The following ESPNL variants were observed in gnomAD, a reference collection of about 807,000 sequenced individuals.
ESPNL encodes espin like.
Under a neutral mutation model 46.8 loss-of-function variants are expected in ESPNL, and 49 were observed. The observed-to-expected ratio is 1.05, with a 90% confidence interval of 0.83 to 1.33. The LOEUF is 1.33. ESPNL is among the 40% of genes most tolerant of loss of function. The pLI is 0.00. For missense variants in ESPNL, 1,540 were observed against 1,436.6 expected (o/e 1.07, Z -1.16); for synonymous variants, 664 against 662.1 (o/e 1.00, Z -0.04).
chr2:238,126,827 CTGTG>C (rs907582105), intron 6 of ESPNL, among the ~76,000 whole-genome samples: 26 of 146,336 alleles, frequency 1.8e-4, no homozygotes, highest in South Asian at 8.8e-4. Flanking sequence ...GTGTGTTTCT[CTGTG>C]TGTGACTGTA....
Position 238,130,745 on chromosome 2 carries a change from G to T in ESPNL, c.2031G>T (p.Gly677=). 2 of 1,564,246 alleles carry T rather than the reference G, an allele frequency of 1.3e-6. No individual in the cohort carries two copies. The highest frequency in any genetic ancestry group is 1.3e-5 in the African/African-American group (1 of 74,206). The change falls in exon 9 of 9, where the codon GGG becomes GGT. Residue 677 remains glycine (G), a synonymous_variant. Transcript: ENST00000343063. ...TCAACCCTGGCCCCTGCGAGCCGGG[G>T]GCCCAGCACAGGCAGTGCCTGAGTG... is the stretch of plus-strand genomic sequence containing the variant. The part of the protein sequence containing the change: ...CGFNPGPCEP[G]AQHRQCLSGC...
At chr2:238,122,034 G>T (rs1431172716) in intron 5 of ESPNL, among the ~76,000 whole-genome samples, 1 of 152,254 alleles carries the variant, frequency 6.6e-6, no homozygotes, top group Non-Finnish European at 1.5e-5. Flanking sequence ...CATGTATAAT[G>T]CATGCAGCCT....
intron 5 of ESPNL, among the ~76,000 whole-genome samples, chr2:238,124,552 C>T (rs961871300): frequency 7.9e-5 from 12 of 151,664 alleles, no homozygotes; most frequent in African/African-American, 2.4e-4. Context: ...GGAGAGTGTA[C>T]GTGCGTGTGT....
intron 1 of ESPNL, 67 bp from the exon 2 acceptor site, chr2:238,101,874 A>C (rs1480647608): frequency 7.9e-7 from 1 of 1,259,480 alleles, no homozygotes; most frequent in Non-Finnish European, 1.1e-6. Flanking sequence ...CCCAGGGCCC[A>C]CCTCCGGCAG....
chr2:238,125,099 C>G (rs1304031378), intron 5 of ESPNL, among the ~76,000 whole-genome samples, 171 bp from the exon 6 acceptor site: 1 of 152,184 alleles, frequency 6.6e-6, no homozygotes, highest in African/African-American at 2.4e-5. Context: ...GACCCTGGGA[C>G]AGAACCCTGA....
Position 238,131,949 on chromosome 2 carries a change from T to G in ESPNL, c.*217T>G. The G allele has an allele frequency of 1.8e-6, 1 of 560,702 alleles. No individual in the cohort carries two copies. The highest frequency in any genetic ancestry group is 3.1e-6 in the Non-Finnish European group (1 of 326,272). 34.7% of individuals were successfully genotyped at this position (560,702 alleles called of 1,614,324 possible). On this transcript the variant is annotated 3_prime_UTR_variant, in exon 9 of 9. Transcript: ENST00000343063. ...TCACCACTGCACCCAGGAAGCCCCT[T>G]GGCAGGTCCTGAAGTGAGGCAATGG...
intron 6 of ESPNL, chr2:238,127,357 C>T (rs1444345875): frequency 5.5e-6 from 7 of 1,272,602 alleles, no homozygotes; most frequent in Non-Finnish European, 6.9e-6. Flanking sequence ...CCCAGCTCCT[C>T]CCCTGCTGCA....
In ESPNL at chr2:238,100,537, G is replaced by A; in HGVS notation, c.118G>A (p.Val40Ile). 6.3e-7 allele frequency: 1 copy of A among 1,594,488 alleles called. No individual in the cohort carries two copies. The highest frequency in any genetic ancestry group is 8.5e-7 in the Non-Finnish European group (1 of 1,173,026). ...CACCGATGCTCTGGGGGCCGGCCTG[G>A]TTCACCACGCCACCCGGGCTGGCCA... ...GITDALGAGL[V>I]HHATRAGHLD... The change falls in exon 1 of 9, where the codon GTT (valine) becomes ATT (isoleucine). Residue 40 changes from valine (V) to isoleucine (I), a missense_variant. Coordinates refer to ENST00000343063, the MANE Select transcript of ESPNL (RefSeq NM_194312.4).
intron 5 of ESPNL, among the ~76,000 whole-genome samples, chr2:238,122,452 G>C (rs1024278516): frequency 6.6e-5 from 10 of 152,182 alleles, no homozygotes; most frequent in Non-Finnish European, 1.2e-4. Context: ...AGAAATGGAG[G>C]CTCAGGGGGT....
rs772519836 is a variant in ESPNL at position 238,107,870 on chromosome 2, A to G, written c.752A>G (p.His251Arg). 5 of 1,611,876 alleles carry G rather than the reference A, an allele frequency of 3.1e-6. No homozygotes were observed. ...TALHFAARGG[H>R]TPILDRLLLM... is the part of the protein sequence containing the mutation. ...CTGCACTTTGCAGCCCGAGGCGGCC[A>G]CACGCCCATTCTAGACCGACTCCTG... Residue 251 changes from histidine to arginine, a missense_variant, in exon 4 of 9, where the codon CAC becomes CGC. By Grantham distance (29) the His-to-Arg change is conservative (BLOSUM62 0). Coordinates refer to ENST00000343063, the MANE Select transcript of ESPNL (RefSeq NM_194312.4).
rs1249758918 is a variant in ESPNL, at chr2:238,120,995, C to A, written c.987+3961C>A. Reference sequence around the variant, plus strand: ...CAGCAGCTTGGGGAGCAATGCTGGACAGGAGTGCTGAGACCTGCCCTGTGG... The same window carrying A: ...CAGCAGCTTGGGGAGCAATGCTGGAAAGGAGTGCTGAGACCTGCCCTGTGG... On this transcript the variant is annotated intron_variant, in intron 5 of 8. Transcript: ENST00000343063. 3.3e-5 allele frequency among the ~76,000 whole-genome samples: 5 copies of A among 152,342 alleles called. No individual in the cohort carries two copies. The East Asian group carries it at 9.7e-4, about 29-fold the overall frequency.
rs201231172 is a variant in ESPNL at position 238,131,241 on chromosome 2, G to A, written c.2527G>A (p.Val843Met). The change falls in exon 9 of 9, where the codon GTG becomes ATG. Residue 843 changes from valine to methionine, a missense_variant. Coordinates refer to ENST00000343063, the MANE Select transcript of ESPNL (RefSeq NM_194312.4). The part of the protein sequence containing the change: ...ALSPEQFLPH[V>M]DGAPVPYSSL... Reference sequence around the variant, plus strand: ...GTCCCCCGAGCAGTTCCTGCCCCACGTGGACGGGGCTCCGGTGCCCTACAG... The same window carrying A: ...GTCCCCCGAGCAGTTCCTGCCCCACATGGACGGGGCTCCGGTGCCCTACAG... The A allele has an allele frequency of 1.7e-3, 2,642 of 1,565,150 alleles. 4 individuals are homozygous for A. Among genetic ancestry groups the A allele is most frequent in the Non-Finnish European group, 2.1e-3 (2,421 of 1,158,124 alleles).
chr2:238,102,306 C>T (rs1450866250), intron 2 of ESPNL, among the ~76,000 whole-genome samples, 175 bp downstream of exon 2: 1 of 152,190 alleles, frequency 6.6e-6, no homozygotes, highest in East Asian at 1.9e-4. Flanking sequence ...GAGGCCTCTA[C>T]CCACAGGCCA....
At position 238,102,131 on chromosome 2, in the gene ESPNL, G is replaced by C. The variant is rs1399197125; in HGVS notation, c.485G>C (p.Ser162Thr). 6.5e-7 allele frequency: 1 copy of C among 1,533,954 alleles called. No homozygotes were observed. Among genetic ancestry groups the C allele is most frequent in the Admixed American group, 2.0e-5 (1 of 50,244 alleles). The change falls in exon 2 of 9, where the codon AGC (serine) becomes ACC (threonine). Residue 162 changes from serine to threonine, a missense_variant and splice_region_variant. Transcript: ENST00000343063. ...CLKLLTAAHGSSVNRRTRSGA... is the reference protein window; with the variant it reads ...CLKLLTAAHGTSVNRRTRSGA... Reference sequence around the variant, plus strand: ...AAGCTCCTGACAGCCGCGCATGGCAGGTAAGGAGCCCAAAGTCCCGCCTGG... The same window carrying C: ...AAGCTCCTGACAGCCGCGCATGGCACGTAAGGAGCCCAAAGTCCCGCCTGG...
At position 238,130,714 on chromosome 2, in the gene ESPNL, G is replaced by A; in HGVS notation, c.2000G>A (p.Cys667Tyr). Residue 667 changes from cysteine to tyrosine, a missense_variant, in exon 9 of 9, where the codon TGT (cysteine) becomes TAT (tyrosine). Coordinates refer to ENST00000343063, the MANE Select transcript of ESPNL (RefSeq NM_194312.4). ...TTCGAGTCGGCCTCTGGCCCACTCT[G>A]TGGCTTCAACCCTGGCCCCTGCGAG... Reference protein sequence around the residue: ...GNFESASGPLCGFNPGPCEPG... With the variant: ...GNFESASGPLYGFNPGPCEPG... 6.4e-7 allele frequency: 1 copy of A among 1,567,824 alleles called. No individual in the cohort carries two copies.
chr2:238,119,206 T>TGGATGGAGGAGGGG, intron 5 of ESPNL, among the ~76,000 whole-genome samples: 2 of 84,080 alleles, frequency 2.4e-5, no homozygotes, highest in Non-Finnish European at 4.6e-5. Context: ...TGGAGGAGGG[T>TGGATGGAGGAGGGG]GGATGGAGGA....
At position 238,131,225 on chromosome 2, in the gene ESPNL, G is replaced by A. The variant is rs747419403; in HGVS notation, c.2511G>A (p.Glu837=). ...SRQPRGALSP[E]QFLPHVDGAP... is the part of the protein sequence containing the mutation. ...AGCCCCGCGGGGCTTTGTCCCCCGA[G>A]CAGTTCCTGCCCCACGTGGACGGGG... The change falls in exon 9 of 9, where the codon GAG becomes GAA. Residue 837 remains glutamate, a synonymous_variant. Coordinates refer to ENST00000343063, the MANE Select transcript of ESPNL (RefSeq NM_194312.4). 1.0e-4 allele frequency: 158 copies of A among 1,555,452 alleles called. No homozygotes were observed. The East Asian group carries it at 3.8e-3, about 37-fold the overall frequency.
At chr2:238,128,675 C>G (rs776889893) in intron 7 of ESPNL, 32 bp from the exon 8 acceptor site, 102 of 1,563,180 alleles carry the variant, frequency 6.5e-5, no homozygotes, top group Non-Finnish European at 7.4e-5. Context: ...GGGTCCCCTT[C>G]GGGCCTGTGT....
At chr2:238,127,479 T>TGGG in intron 6 of ESPNL, 143 bp from the exon 7 acceptor site, 1 of 839,132 alleles carries the variant, frequency 1.2e-6, no homozygotes, top group Non-Finnish European at 1.8e-6. Flanking sequence ...CGAGGTGTTC[T>TGGG]GGGGCAGGGT....
Sources: gnomAD v4.1 joint callset for allele counts (sites outside exome capture counted in the v4.1 genomes callset) on GRCh38, gnomAD v4.1.1 for gene constraint, MANE v1.5 for transcripts, NCBI Gene and HGNC (gene_info 2026-07-23, HGNC 2026-07-21) for gene names.